Variants in MED12L observed in about 807,000 individuals in gnomAD.
The protein encoded by MED12L is mediator complex subunit 12L, also known as mediator of RNA polymerase II transcription subunit 12-like protein.
In MED12L, 60 loss-of-function variants were observed where a neutral mutation model predicts 281.3. That is an observed-to-expected ratio of 0.21 (90% CI 0.17 to 0.26). The LOEUF is 0.26. Among genes scored for constraint, MED12L ranks in the 10% least tolerant of loss-of-function variants. MED12L has a pLI of 1.00. For missense variants in MED12L, 2,146 were observed against 2,680.9 expected (o/e 0.80, Z 4.41); for synonymous variants, 974 against 987.2 (o/e 0.99, Z 0.25).
intron 2 of MED12L, among the ~76,000 whole-genome samples, chr3:151,089,372 T>G (rs76196400): frequency 0.024 from 3,676 of 151,528 alleles, 64 homozygotes; most frequent in Non-Finnish European, 0.039. Flanking sequence ...AAAATGCTGA[T>G]TTAATGGAGG....
intron 16 of MED12L, among the ~76,000 whole-genome samples, chr3:151,317,401 G>A (rs1165968377): frequency 2.4e-5 from 3 of 126,904 alleles, no homozygotes; most frequent in Non-Finnish European, 4.9e-5. Context: ...CTTTAAAAAA[G>A]CATCCAACAA....
chr3:151,151,031 C>CTTTTTGTTTTTTTTT (rs1718401255), intron 5 of MED12L, among the ~76,000 whole-genome samples: 1 of 32,880 alleles, frequency 3.0e-5, no homozygotes, highest in African/African-American at 1.2e-4. Flanking sequence ...GCTGAAGTAG[C>CTTTTTGTTTTTTTTT]TTTTTTTTTT....
At chr3:151,324,547 G>A (rs191306530) in intron 16 of MED12L, among the ~76,000 whole-genome samples, 1 of 152,312 alleles carries the variant, frequency 6.6e-6, no homozygotes, top group East Asian at 1.9e-4. Flanking sequence ...CTCAATTAAA[G>A]CCCCATTCCT....
At position 151,122,767 on chromosome 3, in the gene MED12L, T is replaced by TC; in HGVS notation, c.205-15dup. 2.6e-6 allele frequency: 4 copies of TC among 1,560,364 alleles called. No homozygotes were observed. The highest frequency in any genetic ancestry group is 1.7e-6 in the Non-Finnish European group (2 of 1,153,864). The stretch of plus-strand genomic sequence containing the variant: ...TTATTGTCTTAACTTTCCCTTTTTT[T>TC]CTCTTCTTTCCACAGATTGGAGCTT... On this transcript the variant is annotated splice_polypyrimidine_tract_variant and intron_variant, in intron 3 of 44. Coordinates refer to ENST00000687756, the MANE Select transcript of MED12L (RefSeq NM_001393769.1).
At chr3:151,197,527 G>A (rs73019091) in intron 16 of MED12L, among the ~76,000 whole-genome samples, 12,413 of 152,116 alleles carry the variant, frequency 0.082, 1,213 homozygotes, top group African/African-American at 0.23. Flanking sequence ...TGAGTAGCTC[G>A]GCCTGTGCTA....
At chr3:151,429,107 G>A (rs188770462) in intron 43 of MED12L, among the ~76,000 whole-genome samples, 87 of 152,304 alleles carry the variant, frequency 5.7e-4, no homozygotes, top group African/African-American at 2.0e-3. Context: ...TAATCCCAGC[G>A]GGACAAGAAG....
intron 5 of MED12L, 125 bp downstream of exon 5, chr3:151,128,109 C>A: frequency 1.3e-6 from 1 of 793,740 alleles, no homozygotes; most frequent in Non-Finnish European, 2.0e-6. Context: ...GACTGATTTG[C>A]TCGGGTATGG....
At chr3:151,192,967 A>T (rs546501590) in intron 15 of MED12L, among the ~76,000 whole-genome samples, 2 of 152,200 alleles carry the variant, frequency 1.3e-5, no homozygotes, top group South Asian at 4.2e-4. Flanking sequence ...TTTGCTATGT[A>T]TATGTTCAGC....
At position 151,377,076 on chromosome 3, in the gene MED12L, T is replaced by C; in HGVS notation, c.4214T>C (p.Leu1405Pro). Residue 1405 changes from leucine to proline, a missense_variant, in exon 30 of 45, where the codon CTA becomes CCA. Leu to Pro is a moderately conservative substitution (Grantham distance 98). Around this residue, in one of 9 missense-constraint regions of MED12L, gnomAD observed 235 missense variants for 260.3 expected, o/e 0.90. Coordinates refer to ENST00000687756, the MANE Select transcript of MED12L (RefSeq NM_001393769.1). ...TIEVFQQSADLNNSSNSGMSL... is the reference protein window; with the variant it reads ...TIEVFQQSADPNNSSNSGMSL... ...GAGGTATTCCAGCAGTCTGCAGACC[T>C]AAATAATTCTTCTAATTCTGGCATG... is the stretch of plus-strand genomic sequence containing the variant. The C allele has an allele frequency of 6.2e-7, 1 of 1,614,122 alleles. No homozygotes were observed. Among genetic ancestry groups the C allele is most frequent in the East Asian group, 2.2e-5 (1 of 44,862 alleles).
At chr3:151,254,838 A>G (rs1400283796) in intron 16 of MED12L, among the ~76,000 whole-genome samples, 1 of 152,172 alleles carries the variant, frequency 6.6e-6, no homozygotes, top group Non-Finnish European at 1.5e-5. Flanking sequence ...GCAGGTTGCA[A>G]TTATTGCTGT....
intron 16 of MED12L, among the ~76,000 whole-genome samples, chr3:151,262,887 G>T (rs1055497789): frequency 1.3e-5 from 2 of 152,128 alleles, no homozygotes; most frequent in Admixed American, 6.6e-5. Context: ...ATGATAGAGG[G>T]CAGTAAGGCT....
At chr3:151,378,537 T>C (rs757363617) in intron 31 of MED12L, among the ~76,000 whole-genome samples, 5 of 151,978 alleles carry the variant, frequency 3.3e-5, no homozygotes, top group Non-Finnish European at 7.4e-5. Flanking sequence ...AAAATAAATA[T>C]AATGTATAAT....
At chr3:151,373,432 C>A (rs1756423897) in intron 27 of MED12L, among the ~76,000 whole-genome samples, 1 of 152,100 alleles carries the variant, frequency 6.6e-6, no homozygotes, top group African/African-American at 2.4e-5. Flanking sequence ...TTGCAGTAAG[C>A]AATCTTTGAG....
intron 16 of MED12L, among the ~76,000 whole-genome samples, chr3:151,279,660 C>A (rs1379820760): frequency 6.6e-6 from 1 of 152,164 alleles, no homozygotes; most frequent in African/African-American, 2.4e-5. Context: ...TTGTTAGCTT[C>A]AGCTGCAGTG....
chr3:151,387,669 G>A, intron 36 of MED12L, 141 bp from the exon 37 acceptor site: 1 of 932,346 alleles, frequency 1.1e-6, no homozygotes, highest in Non-Finnish European at 1.6e-6. Flanking sequence ...ATGTAGCTGT[G>A]TAACCCTCTC....
At chr3:151,401,455 A>G (rs531669257) in intron 39 of MED12L, among the ~76,000 whole-genome samples, 3 of 152,250 alleles carry the variant, frequency 2.0e-5, no homozygotes, top group Non-Finnish European at 2.9e-5. Flanking sequence ...ATTCCCACCA[A>G]TGCTTGGTGT....
chr3:151,313,267 C>T (rs916383121), intron 16 of MED12L, among the ~76,000 whole-genome samples: 1 of 152,174 alleles, frequency 6.6e-6, no homozygotes. Flanking sequence ...GTTAAAATAG[C>T]TCCAACTTGA....
chr3:151,130,449 A>T (rs1715213259), intron 5 of MED12L, among the ~76,000 whole-genome samples: 1 of 152,150 alleles, frequency 6.6e-6, no homozygotes, highest in Non-Finnish European at 1.5e-5. Context: ...TTGCCTGTCT[A>T]TGGCAGGGTT....
intron 16 of MED12L, among the ~76,000 whole-genome samples, chr3:151,209,357 A>G (rs1726817280): frequency 6.6e-6 from 1 of 152,220 alleles, no homozygotes; most frequent in Non-Finnish European, 1.5e-5. Context: ...AATTAATACG[A>G]CATTTAATCA....
Sources: gnomAD v4.1 joint callset for allele counts (sites outside exome capture counted in the v4.1 genomes callset) on GRCh38, gnomAD v4.1.1 for gene constraint, gnomAD v4.1.1 regional missense constraint, MANE v1.5 for transcripts, NCBI Gene and HGNC (gene_info 2026-07-23, HGNC 2026-07-21) for gene names.